NTM: variants seen among roughly 807,000 people sequenced by gnomAD.
NTM encodes IgLON family member 2.
Under a neutral mutation model 42.1 loss-of-function variants are expected in NTM, and 13 were observed. That is an observed-to-expected ratio of 0.31 (90% CI 0.20 to 0.49). The LOEUF (loss-of-function observed/expected upper bound fraction) is 0.49. NTM is among the 20% of genes least tolerant of loss of function. The probability of loss-of-function intolerance (pLI) is 0.99; values close to 1 mark genes in which losing one functional copy is unlikely to be tolerated. For missense variants in NTM, 373 were observed against 452.8 expected, an observed-to-expected ratio of 0.82 and a Z score of 1.60; for synonymous variants, 187 against 179.2, an observed-to-expected ratio of 1.04 and a Z score of -0.35.
chr11:131,764,915 A>T (rs1387408095), intron 1 of NTM, among the ~76,000 whole-genome samples: 1 of 152,150 alleles, frequency 6.6e-6, no homozygotes, highest in Non-Finnish European at 1.5e-5. Flanking sequence ...AGTCACACAC[A>T]TCATCTGATT....
chr11:131,623,057 C>A (rs2062740911), intron 1 of NTM, among the ~76,000 whole-genome samples: 1 of 152,194 alleles, frequency 6.6e-6, no homozygotes. Context: ...GCTTAGGAGA[C>A]CCACAGCAAT....
At chr11:131,585,470 C>G (rs1444457574) in intron 1 of NTM, among the ~76,000 whole-genome samples, 1 of 152,144 alleles carries the variant, frequency 6.6e-6, no homozygotes, top group Non-Finnish European at 1.5e-5. Flanking sequence ...GGGGACCCCC[C>G]AGCAGGACTG....
At chr11:131,851,702 C>T (rs2045577619) in intron 1 of NTM, among the ~76,000 whole-genome samples, 1 of 152,120 alleles carries the variant, frequency 6.6e-6, no homozygotes, top group South Asian at 2.1e-4. Context: ...CCTTTGAGGA[C>T]ATTCTGTCAT....
At chr11:131,557,575 T>C (rs1273936492) in intron 1 of NTM, among the ~76,000 whole-genome samples, 1 of 152,238 alleles carries the variant, frequency 6.6e-6, no homozygotes, top group African/African-American at 2.4e-5. Flanking sequence ...ATCTTACTTC[T>C]AACCTGGAAG....
At chr11:131,869,469 T>G (rs2047560376) in intron 1 of NTM, among the ~76,000 whole-genome samples, 1 of 152,242 alleles carries the variant, frequency 6.6e-6, no homozygotes, top group Non-Finnish European at 1.5e-5. Flanking sequence ...CGGCATCTGT[T>G]AACATTTCAC....
intron 1 of NTM, among the ~76,000 whole-genome samples, chr11:131,723,895 A>G (rs1262795895): frequency 1.3e-5 from 2 of 152,144 alleles, no homozygotes; most frequent in African/African-American, 4.8e-5. Flanking sequence ...GGAAAGAGAG[A>G]TTTGTAAAGA....
At chr11:131,525,406 C>A (rs2050334839) in intron 1 of NTM, among the ~76,000 whole-genome samples, 1 of 152,124 alleles carries the variant, frequency 6.6e-6, no homozygotes, top group Non-Finnish European at 1.5e-5. Context: ...GCAGGCGAGA[C>A]AAGGGAAGTG....
intron 1 of NTM, among the ~76,000 whole-genome samples, chr11:131,834,795 G>C (rs146651286): frequency 3.4e-3 from 524 of 151,892 alleles, no homozygotes; most frequent in African/African-American, 0.012. Context: ...AGGCATTTTT[G>C]ATCTGTAGCC....
intron 7 of NTM, among the ~76,000 whole-genome samples, chr11:132,326,621 C>A (rs1252249292): frequency 1.3e-5 from 2 of 152,174 alleles, no homozygotes; most frequent in Non-Finnish European, 2.9e-5. Context: ...ATCTCAGCAA[C>A]CTTCTTGGGT....
At chr11:131,710,926 TGTCCCCACCAAGGA>T (rs1245328395) in intron 1 of NTM, among the ~76,000 whole-genome samples, 2 of 152,110 alleles carry the variant, frequency 1.3e-5, no homozygotes, top group Non-Finnish European at 2.9e-5. Flanking sequence ...TCCCTGCCCC[TGTCCCCACCAAGGA>T]GTATTTCTGG....
intron 1 of NTM, among the ~76,000 whole-genome samples, chr11:131,478,660 G>T (rs1953219023): frequency 6.6e-6 from 1 of 152,092 alleles, no homozygotes; most frequent in Non-Finnish European, 1.5e-5. Context: ...CTCTGACCAC[G>T]GTGGTTATAA....
chr11:132,023,735 TTTG>T lies in NTM; in HGVS notation c.167+112094_167+112096del, dbSNP rs199788733. Among the ~76,000 whole-genome samples the T allele has an allele frequency of 4.9e-3, 740 of 151,288 alleles. 10 individuals are homozygous for T. Among genetic ancestry groups the T allele is most frequent in the African/African-American group, 0.017 (706 of 41,054 alleles). On this transcript the variant is annotated intron_variant, in intron 2 of 8. Transcript: ENST00000683400. Reference sequence around the variant, plus strand: ...TGTTGGTTTTGTTGTTGTTGTTGGTTTTGTTGTTGGTGGTGGTTTTGTTGTTGG... The same window carrying T: ...TGTTGGTTTTGTTGTTGTTGTTGGTTTTGTTGGTGGTGGTTTTGTTGTTGG...
chr11:131,472,970 A>G lies in NTM; in HGVS notation c.82+102082A>G, dbSNP rs192362924. ...AATATTAATTGATTTTCCACGGTGT[A>G]CATAGAATAGGTTTTGGTCTCGTAA... On this transcript the variant is annotated intron_variant, in intron 1 of 8. Coordinates refer to ENST00000683400, the MANE Select transcript of NTM (RefSeq NM_001352005.2). 3.3e-5 allele frequency among the ~76,000 whole-genome samples: 5 copies of G among 152,354 alleles called. No individual in the cohort carries two copies. In the East Asian group the frequency reaches 9.6e-4, roughly 29 times the overall value.
At chr11:131,469,661 T>G (rs1278941855) in intron 1 of NTM, among the ~76,000 whole-genome samples, 1 of 152,218 alleles carries the variant, frequency 6.6e-6, no homozygotes, top group Admixed American at 6.5e-5. Flanking sequence ...CAAGATTGCC[T>G]GGGGCTAAAC....
At chr11:131,812,170 G>A (rs893932008) in intron 1 of NTM, among the ~76,000 whole-genome samples, 1 of 145,128 alleles carries the variant, frequency 6.9e-6, no homozygotes, top group South Asian at 2.1e-4. Flanking sequence ...TTGTCAGAAA[G>A]ATAATTAGTC....
intron 4 of NTM, 63 bp downstream of exon 4, chr11:132,212,210 A>G: frequency 6.9e-7 from 1 of 1,441,552 alleles, no homozygotes; most frequent in Admixed American, 1.8e-5. Context: ...GGCCTTTGGT[A>G]GGAGGTTATG....
chr11:131,620,345 A>T (rs368204036), intron 1 of NTM, among the ~76,000 whole-genome samples: 4 of 151,876 alleles, frequency 2.6e-5, no homozygotes, highest in African/African-American at 9.7e-5. Context: ...ACCTCTTCCC[A>T]TCTCCCTTCC....
In NTM at chr11:131,479,874, T is replaced by C. The variant is rs1239641962; in HGVS notation, c.82+108986T>C. On this transcript the variant is annotated intron_variant, in intron 1 of 8. Coordinates refer to ENST00000683400, the MANE Select transcript of NTM (RefSeq NM_001352005.2). The stretch of plus-strand genomic sequence containing the variant: ...AGGTGTGAAAGCTTGAGAAGAAATA[T>C]TAACATTTTGATAAATTTTTTTTTA... Among the ~76,000 whole-genome samples the C allele has an allele frequency of 8.5e-5, 13 of 152,066 alleles. No individual in the cohort carries two copies. In the East Asian group the frequency reaches 2.5e-3, roughly 29 times the overall value.
At chr11:131,820,256 T>C (rs1222993933) in intron 1 of NTM, among the ~76,000 whole-genome samples, 1 of 152,058 alleles carries the variant, frequency 6.6e-6, no homozygotes, top group Non-Finnish European at 1.5e-5. Context: ...CTTTCCCTTA[T>C]CGCCTCTATG....
Sources: allele counts gnomAD v4.1 joint callset (sites outside exome capture counted in the v4.1 genomes callset), GRCh38; gene constraint gnomAD v4.1.1; transcripts MANE v1.5; gene names NCBI Gene and HGNC (gene_info 2026-07-23, HGNC 2026-07-21).